RGS7: variants seen among roughly 807,000 people sequenced by gnomAD.
The protein encoded by RGS7 is regulator of G-protein signaling 7.
RGS7 carries 27 observed loss-of-function variants against 81.1 expected under a neutral mutation model. The ratio of observed to expected loss-of-function variants is 0.33; its 90% CI spans 0.25 to 0.46. The LOEUF (loss-of-function observed/expected upper bound fraction) is 0.46. Ranked by LOEUF, RGS7 falls within the 20% of genes least tolerant of loss-of-function variation. The pLI is 1.00. For missense variants in RGS7, 396 were observed against 607.4 expected, an observed-to-expected ratio of 0.65 and a Z score of 3.66; for synonymous variants, 208 against 207.7, an observed-to-expected ratio of 1.00 and a Z score of -0.01.
Position 240,844,345 on chromosome 1 carries a change from A to G in RGS7, c.610-17173T>C, listed in dbSNP as rs142649202. 2.8e-4 allele frequency among the ~76,000 whole-genome samples: 43 copies of G among 152,250 alleles called. No individual in the cohort carries two copies. In the East Asian group the frequency reaches 7.9e-3, roughly 28 times the overall value. On this transcript the variant is annotated intron_variant, in intron 9 of 18. Coordinates refer to ENST00000440928, the MANE Select transcript of RGS7 (RefSeq NM_001364886.1). ...AAGATACCATCAGTACTTGAGATCA[A>G]TACTATCCTCTATCCACTTCCCTGA...
At chr1:241,107,609 T>C (rs1302984450) in intron 2 of RGS7, among the ~76,000 whole-genome samples, 1 of 152,216 alleles carries the variant, frequency 6.6e-6, no homozygotes, top group Non-Finnish European at 1.5e-5. Context: ...CCTATATAAG[T>C]GAAACCTTAC....
chr1:241,073,798 G>A (rs1404608508), intron 3 of RGS7, among the ~76,000 whole-genome samples: 2 of 152,018 alleles, frequency 1.3e-5, no homozygotes, highest in African/African-American at 2.4e-5. Context: ...TATAAATGCC[G>A]TCTTCCTTCT....
chr1:241,277,148 G>A (rs1433419075), intron 2 of RGS7, among the ~76,000 whole-genome samples: 1 of 152,148 alleles, frequency 6.6e-6, no homozygotes, highest in Non-Finnish European at 1.5e-5. Context: ...TGTATGCATT[G>A]CTCCAATTTC....
chr1:241,070,347 G>T (rs1376539676), intron 3 of RGS7, among the ~76,000 whole-genome samples: 2 of 144,800 alleles, frequency 1.4e-5, no homozygotes, highest in Non-Finnish European at 1.5e-5. Flanking sequence ...AAAAGCACTA[G>T]CCAAGAAGTC....
chr1:241,022,779 T>C (rs912590397), intron 3 of RGS7, among the ~76,000 whole-genome samples: 1 of 152,168 alleles, frequency 6.6e-6, no homozygotes, highest in Admixed American at 6.5e-5. Flanking sequence ...CTTCCTTTAC[T>C]GTAATGCCAT....
At chr1:241,081,732 C>T (rs2063145250) in intron 3 of RGS7, among the ~76,000 whole-genome samples, 1 of 152,310 alleles carries the variant, frequency 6.6e-6, no homozygotes, top group African/African-American at 2.4e-5. Context: ...GATAGGCAAA[C>T]AGTATTCTGT....
intron 2 of RGS7, among the ~76,000 whole-genome samples, chr1:241,302,548 C>CA (rs1401528338): frequency 6.6e-6 from 1 of 152,072 alleles, no homozygotes; most frequent in Non-Finnish European, 1.5e-5. Context: ...GACTCTGTCT[C>CA]AAAACAAACA....
At position 241,242,825 on chromosome 1, in the gene RGS7, G is replaced by A. The variant is rs149748835; in HGVS notation, c.78+112874C>T. 2.4e-3 allele frequency among the ~76,000 whole-genome samples: 371 copies of A among 152,184 alleles called. 4 individuals carry two copies. Among genetic ancestry groups the A allele is most frequent in the African/African-American group, 8.4e-3 (350 of 41,534 alleles). On this transcript the variant is annotated intron_variant, in intron 2 of 18. Coordinates refer to ENST00000440928, the MANE Select transcript of RGS7 (RefSeq NM_001364886.1). ...ATGTCCTTAGTTCACTTTTTGATGA[G>A]ATTGTTTGTTTTTTCTTCCTGATTT...
At chr1:241,336,629 TG>T (rs2082260858) in intron 2 of RGS7, among the ~76,000 whole-genome samples, 1 of 152,212 alleles carries the variant, frequency 6.6e-6, no homozygotes, top group Non-Finnish European at 1.5e-5. Flanking sequence ...CAAACATCTT[TG>T]TCCCATTCCA....
At chr1:241,160,898 G>A (rs189842200) in intron 2 of RGS7, among the ~76,000 whole-genome samples, 20 of 152,202 alleles carry the variant, frequency 1.3e-4, no homozygotes, top group African/African-American at 3.9e-4. Context: ...GACTCCTGTC[G>A]CTTGCTGCAT....
intron 3 of RGS7, among the ~76,000 whole-genome samples, chr1:241,089,324 G>A (rs976344029): frequency 6.6e-6 from 1 of 151,096 alleles, no homozygotes; most frequent in African/African-American, 2.4e-5. Flanking sequence ...AGGGTGAAGA[G>A]GATCAGCACA....
intron 2 of RGS7, among the ~76,000 whole-genome samples, chr1:241,194,510 T>C (rs895629801): frequency 6.6e-6 from 1 of 152,138 alleles, no homozygotes; most frequent in African/African-American, 2.4e-5. Context: ...CTCATGCCTC[T>C]GGATGGAATT....
chr1:240,881,363 TA>T (rs1666352046), intron 6 of RGS7, among the ~76,000 whole-genome samples: 1 of 135,350 alleles, frequency 7.4e-6, no homozygotes, highest in Admixed American at 7.6e-5. Context: ...GGTGGGGGGC[TA>T]GGGGAAGGAT....
chr1:240,903,328 T>C (rs36103893), intron 6 of RGS7, among the ~76,000 whole-genome samples: 19,484 of 152,134 alleles, frequency 0.13, 1,361 homozygotes, highest in Middle Eastern at 0.18. Context: ...GAAATGTGAC[T>C]AGGAGATGAA....
chr1:241,095,278 A>G (rs986256094), intron 3 of RGS7, among the ~76,000 whole-genome samples: 1 of 152,204 alleles, frequency 6.6e-6, no homozygotes, highest in African/African-American at 2.4e-5. Context: ...GGGTGGGTCC[A>G]GATACTATAT....
chr1:240,882,679 T>C (rs993769822), intron 6 of RGS7, among the ~76,000 whole-genome samples: 1 of 152,186 alleles, frequency 6.6e-6, no homozygotes, highest in African/African-American at 2.4e-5. Flanking sequence ...CTTCTGTTCT[T>C]TGAAGTGTCC....
chr1:240,887,226 G>GTTTTTTTTT (rs71297739), intron 6 of RGS7, among the ~76,000 whole-genome samples: 4 of 76,430 alleles, frequency 5.2e-5, no homozygotes, highest in African/African-American at 1.5e-4. Context: ...GAGTATATAG[G>GTTTTTTTTT]TTTTTTTTTT....
Position 241,331,185 on chromosome 1 carries a change from C to CCACT in RGS7, c.78+24510_78+24513dup, listed in dbSNP as rs144975919. Among the ~76,000 whole-genome samples the CCACT allele has an allele frequency of 6.8e-3, 1,031 of 152,268 alleles. 9 individuals are homozygous for CCACT. The highest frequency in any genetic ancestry group is 0.01 in the Middle Eastern group (3 of 294). The stretch of plus-strand genomic sequence containing the variant: ...GTCTAATTTAAGAAAGAGGGTATTT[C>CCACT]CACTCACCCATTGTGCTGCTGATTA... On this transcript the variant is annotated intron_variant, in intron 2 of 18. Coordinates refer to ENST00000440928, the MANE Select transcript of RGS7 (RefSeq NM_001364886.1).
intron 2 of RGS7, among the ~76,000 whole-genome samples, chr1:241,318,048 C>A (rs2080991814): frequency 6.6e-6 from 1 of 152,162 alleles, no homozygotes; most frequent in Non-Finnish European, 1.5e-5. Flanking sequence ...AACTGAGAGG[C>A]TGAGCATAAT....
Sources: gnomAD v4.1 joint callset for allele counts (sites outside exome capture counted in the v4.1 genomes callset) on GRCh38, gnomAD v4.1.1 for gene constraint, MANE v1.5 for transcripts, NCBI Gene and HGNC (gene_info 2026-07-23, HGNC 2026-07-21) for gene names.